Variants in LRRC40 observed in about 807,000 individuals in gnomAD.
The protein encoded by LRRC40 is leucine-rich repeat-containing protein 40.
Under a neutral mutation model 72.8 loss-of-function variants are expected in LRRC40, and 76 were observed. The observed-to-expected ratio is 1.04, with a 90% CI of 0.87 to 1.26. The LOEUF (loss-of-function observed/expected upper bound fraction) is 1.26, where lower values mean the gene tolerates loss of function less well. Among genes scored for constraint, LRRC40 ranks in the 50% most tolerant of loss-of-function variants. The probability of loss-of-function intolerance (pLI) is 0.00; values close to 1 mark genes in which losing one functional copy is unlikely to be tolerated. For missense variants in LRRC40, 684 were observed against 698.9 expected (o/e 0.98, Z 0.24); for synonymous variants, 243 against 254.2 (o/e 0.96, Z 0.42).
At chr1:70,153,808 C>A (rs2100235112) in intron 11 of LRRC40, among the ~76,000 whole-genome samples, 1 of 151,860 alleles carries the variant, frequency 6.6e-6, no homozygotes, top group African/African-American at 2.4e-5. Flanking sequence ...ATGGCAAAAC[C>A]TGGTCTCTAC....
intron 1 of LRRC40, among the ~76,000 whole-genome samples, chr1:70,200,024 A>C (rs1460966905): frequency 6.6e-6 from 1 of 152,194 alleles, no homozygotes; most frequent in Non-Finnish European, 1.5e-5. Flanking sequence ...CAGGTTAATA[A>C]AATCTCTCAC....
At chr1:70,154,051 G>A (rs1667580202) in intron 11 of LRRC40, among the ~76,000 whole-genome samples, 1 of 150,554 alleles carries the variant, frequency 6.6e-6, no homozygotes, top group South Asian at 2.1e-4. Context: ...AAAATATGCA[G>A]TATGCCACAA....
intron 1 of LRRC40, among the ~76,000 whole-genome samples, chr1:70,203,252 A>G (rs1668788130): frequency 6.6e-6 from 1 of 152,190 alleles, no homozygotes; most frequent in Non-Finnish European, 1.5e-5. Context: ...AGGTTTAGAA[A>G]GACTTTTGTA....
intron 1 of LRRC40, 22 bp from the exon 2 acceptor site, chr1:70,189,295 C>G: frequency 8.3e-7 from 1 of 1,201,510 alleles, no homozygotes; most frequent in South Asian, 2.6e-5. Context: ...AGCACCACAC[C>G]AGGAAAAAAA....
rs147729221 is a variant in LRRC40, at chr1:70,175,927, T to C, written c.860A>G (p.His287Arg). Reference protein sequence around the residue: ...IEMLEAEHLKHLNSILVLDLR... With the variant: ...IEMLEAEHLKRLNSILVLDLR... ...GTCTAGCACAAGAATTGAATTCAGA[T>C]GTTTAAGATGTTCTGCCTCTAACAT... is the stretch of plus-strand genomic sequence containing the variant. The change falls in exon 7 of 15, where the codon CAT (histidine) becomes CGT (arginine). Residue 287 changes from histidine (H) to arginine (R), a missense_variant. Coordinates refer to ENST00000370952, the MANE Select transcript of LRRC40 (RefSeq NM_017768.5). The C allele has an allele frequency of 5.6e-5, 90 of 1,596,028 alleles. No individual in the cohort carries two copies. The highest frequency in any genetic ancestry group is 1.4e-5 in the African/African-American group (1 of 73,852).
intron 9 of LRRC40, among the ~76,000 whole-genome samples, chr1:70,165,814 T>G (rs1193976821): frequency 6.6e-6 from 1 of 152,206 alleles, no homozygotes; most frequent in Non-Finnish European, 1.5e-5. Flanking sequence ...CAGATTTAAT[T>G]GGGCTAAAGT....
chr1:70,178,429 C>T (rs915693756), intron 6 of LRRC40, among the ~76,000 whole-genome samples: 2 of 152,038 alleles, frequency 1.3e-5, no homozygotes, highest in Non-Finnish European at 2.9e-5. Flanking sequence ...TACAAGACAC[C>T]ATTAATTCTA....
chr1:70,189,063 TAATCCATATTTATAGTC>T lies in LRRC40; in HGVS notation c.333+12_333+28del. 6.3e-7 allele frequency: 1 copy of T among 1,575,428 alleles called. No individual in the cohort carries two copies. Among genetic ancestry groups the T allele is most frequent in the East Asian group, 2.3e-5 (1 of 44,208 alleles). ...TTAGCTTTAGAGTCTCTTCAATTAA[TAATCCATATTTATAGTC>T]AGTCAACTTACATCAAGAACAGTCA... is the stretch of plus-strand genomic sequence containing the variant. On this transcript the variant is annotated intron_variant, in intron 2 of 14. Transcript: ENST00000370952.
chr1:70,197,264 A>G (rs575327067), intron 1 of LRRC40, among the ~76,000 whole-genome samples: 5 of 151,742 alleles, frequency 3.3e-5, no homozygotes, highest in Admixed American at 2.0e-4. Context: ...GGGGGGAGGA[A>G]GATGTATAGA....
intron 1 of LRRC40, among the ~76,000 whole-genome samples, chr1:70,192,553 T>C (rs754235413): frequency 6.6e-6 from 1 of 152,028 alleles, no homozygotes; most frequent in Non-Finnish European, 1.5e-5. Context: ...TGCAAAAACA[T>C]GGAATCAACA....
intron 4 of LRRC40, among the ~76,000 whole-genome samples, chr1:70,182,701 T>C (rs1668273001): frequency 6.6e-6 from 1 of 152,062 alleles, no homozygotes; most frequent in Non-Finnish European, 1.5e-5. Context: ...TCCATATTTA[T>C]GCCAAGTCAT....
intron 1 of LRRC40, 40 bp downstream of exon 1, chr1:70,205,350 C>G (rs767924756): frequency 1.5e-5 from 23 of 1,512,034 alleles, no homozygotes; most frequent in East Asian, 2.3e-5. Flanking sequence ...CAAAGGCTTT[C>G]TGACAGGAGA....
chr1:70,187,231 G>C, intron 3 of LRRC40, 34 bp downstream of exon 3: 1 of 979,868 alleles, frequency 1.0e-6, no homozygotes, highest in African/African-American at 1.6e-5. Context: ...CCATTATAAG[G>C]GCAATAATAT....
chr1:70,146,904 AAC>A (rs1274548779), intron 14 of LRRC40: 4 of 152,172 alleles, frequency 2.6e-5, no homozygotes, highest in Non-Finnish European at 5.9e-5. Context: ...TATTATTTTT[AAC>A]AGTTAAGTGT....
rs540983880 is a variant in LRRC40 at position 70,191,932 on chromosome 1, A to G, written c.152-2659T>C. Among the ~76,000 whole-genome samples the G allele has an allele frequency of 4.5e-3, 692 of 152,184 alleles. 3 individuals are homozygous for G. The highest frequency in any genetic ancestry group is 7.9e-3 in the Non-Finnish European group (538 of 67,938). ...CTCCAGCTTTGTTCTTTTTGCTTAG[A>G]ATTGCCTTGGCTCTTTGGACTCTTT... On this transcript the variant is annotated intron_variant, in intron 1 of 14. Coordinates refer to ENST00000370952, the MANE Select transcript of LRRC40 (RefSeq NM_017768.5).
intron 14 of LRRC40, among the ~76,000 whole-genome samples, chr1:70,146,556 A>G (rs916506815): frequency 2.0e-5 from 3 of 152,180 alleles, no homozygotes; most frequent in Non-Finnish European, 4.4e-5. Context: ...AATATTGTCT[A>G]AGATCAAACA....
intron 10 of LRRC40, among the ~76,000 whole-genome samples, chr1:70,157,482 GC>G (rs1400429999): frequency 6.6e-6 from 1 of 152,128 alleles, no homozygotes; most frequent in African/African-American, 2.4e-5. Flanking sequence ...TGATATCTGT[GC>G]CTTTAAGAAG....
chr1:70,166,086 T>C (rs1056110455), intron 9 of LRRC40, among the ~76,000 whole-genome samples: 2 of 152,242 alleles, frequency 1.3e-5, no homozygotes, highest in African/African-American at 4.8e-5. Context: ...GTTCTCCATA[T>C]GATTATCACA....
At chr1:70,203,687 C>T (rs1668797846) in intron 1 of LRRC40, among the ~76,000 whole-genome samples, 1 of 152,200 alleles carries the variant, frequency 6.6e-6, no homozygotes, top group African/African-American at 2.4e-5. Flanking sequence ...CCTGTTATGA[C>T]TCCTGCATAA....
Sources: allele counts gnomAD v4.1 joint callset (sites outside exome capture counted in the v4.1 genomes callset), GRCh38; gene constraint gnomAD v4.1.1; transcripts MANE v1.5; gene names NCBI Gene and HGNC (gene_info 2026-07-23, HGNC 2026-07-21).